The following ATAD3B variants were observed in gnomAD, a reference collection of about 807,000 sequenced individuals.
ATAD3B encodes ATPase family AAA domain containing 3B, also known as ATPase family AAA domain-containing protein 3B.
In ATAD3B, 59 loss-of-function variants were observed where a neutral mutation model predicts 70.2. The observed-to-expected ratio is 0.84, with a 90% CI of 0.68 to 1.04. The LOEUF is 1.04. Among genes scored for constraint, ATAD3B ranks in the 50% least tolerant of loss-of-function variants. The probability of loss-of-function intolerance (pLI) is 0.00; values close to 1 mark genes in which losing one functional copy is unlikely to be tolerated. For synonymous variants in ATAD3B, 423 were observed against 388.6 expected, an observed-to-expected ratio of 1.09 and a Z score of -1.04; for missense variants, 961 against 913.4, an observed-to-expected ratio of 1.05 and a Z score of -0.67.
intron 11 of ATAD3B, 108 bp from the exon 12 acceptor site, chr1:1,487,755 G>C: frequency 4.3e-6 from 6 of 1,381,140 alleles, no homozygotes; most frequent in Non-Finnish European, 5.1e-6. Flanking sequence ...GGCAGAGCCT[G>C]ACCCCGTGGG....
At chr1:1,485,685 C>T in intron 8 of ATAD3B, 97 bp from the exon 9 acceptor site, 2 of 1,551,202 alleles carry the variant, frequency 1.3e-6, no homozygotes, top group Non-Finnish European at 1.8e-6. Context: ...TTTGGGGCAG[C>T]TCCGTTTCTG....
At chr1:1,482,045 G>A in intron 5 of ATAD3B, 93 bp from the exon 6 acceptor site, 2 of 1,511,472 alleles carry the variant, frequency 1.3e-6, no homozygotes, top group East Asian at 2.5e-5. Context: ...TCCGTGGCGT[G>A]GGCCGGTCCG....
chr1:1,473,582 A>G (rs1301008601), intron 1 of ATAD3B, among the ~76,000 whole-genome samples: 2 of 148,054 alleles, frequency 1.4e-5, no homozygotes, highest in Admixed American at 6.8e-5. Context: ...TGCAAACCGC[A>G]ACGCCCTGGT....
the ATAD3B span, among the ~76,000 whole-genome samples, chr1:1,508,261 G>A: frequency 6.6e-6 from 1 of 151,402 alleles, no homozygotes; most frequent in Non-Finnish European, 1.5e-5. Context: ...TCCAGCTCCG[G>A]TCAGTGTCTC....
chr1:1,487,991 A>G, intron 12 of ATAD3B, 77 bp downstream of exon 12: 6 of 1,581,142 alleles, frequency 3.8e-6, no homozygotes, highest in Non-Finnish European at 5.2e-6. Context: ...GCCAGGCTGC[A>G]GCCCTTAAGC....
At chr1:1,486,517 C>G in intron 10 of ATAD3B, 27 bp from the exon 11 acceptor site, 2 of 1,612,062 alleles carry the variant, frequency 1.2e-6, no homozygotes, top group Non-Finnish European at 1.7e-6. Context: ...AACATCTGTT[C>G]TGTCTCCCCT....
chr1:1,490,585 G>A lies in ATAD3B; in HGVS notation c.1528G>A (p.Asp510Asn), dbSNP rs756114933. The stretch of plus-strand genomic sequence containing the variant: ...CAGGCGCCTGAAGCTGGCCCAGTTT[G>A]ACTACGGGAGGAAGTGCTCGGAGGT... Reference protein sequence around the residue: ...GKRRLKLAQFDYGRKCSEVAR... With the variant: ...GKRRLKLAQFNYGRKCSEVAR... Residue 510 changes from aspartate to asparagine, a missense_variant, in exon 15 of 16, where the codon GAC becomes AAC. Asp to Asn is a conservative substitution (Grantham distance 23). This residue lies in a region of ATAD3B where 417 missense variants were observed against 335.0 expected (regional missense o/e 1.24). Transcript: ENST00000673477. 1.9e-6 allele frequency: 3 copies of A among 1,610,940 alleles called. No individual in the cohort carries two copies. In the South Asian group the frequency reaches 3.3e-5, roughly 18 times the overall value.
At chr1:1,504,665 AAAG>A in the ATAD3B span, among the ~76,000 whole-genome samples, 4 of 140,202 alleles carry the variant, frequency 2.9e-5, no homozygotes, top group Admixed American at 6.8e-5. Flanking sequence ...ACAAAAAAAA[AAAG>A]AGAGAACAGG....
chr1:1,500,814 G>A (rs1198117269), downstream of ATAD3B, among the ~76,000 whole-genome samples: 7 of 151,380 alleles, frequency 4.6e-5, no homozygotes, highest in Non-Finnish European at 8.8e-5. Flanking sequence ...AAAATTAGCC[G>A]GGCGTGGTAG....
chr1:1,487,254 C>T lies in ATAD3B; in HGVS notation c.1214+586C>T, dbSNP rs180752583. ...GGCTGTAATCCCAGACTTTCGGAGG[C>T]GGAGGCAGGCAGATACGAGGCCAGG... On this transcript the variant is annotated intron_variant, in intron 11 of 15. Coordinates refer to ENST00000673477, the MANE Select transcript of ATAD3B (RefSeq NM_031921.6). 1.3e-3 allele frequency among the ~76,000 whole-genome samples: 199 copies of T among 151,910 alleles called. 3 individuals carry two copies. Among genetic ancestry groups the T allele is most frequent in the Non-Finnish European group, 2.0e-3 (135 of 67,898 alleles).
the ATAD3B span, among the ~76,000 whole-genome samples, chr1:1,508,050 G>T: frequency 1.3e-5 from 2 of 152,204 alleles, no homozygotes; most frequent in Non-Finnish European, 2.9e-5. Flanking sequence ...GAGCATCTGC[G>T]TAGCCCCTTT....
rs1176283430 is a variant in ATAD3B at position 1,485,146 on chromosome 1, T to G, written c.881T>G (p.Leu294Arg). The G allele has an allele frequency of 2.0e-5, 33 of 1,610,352 alleles. No individual in the cohort carries two copies. Among genetic ancestry groups the G allele is most frequent in the Non-Finnish European group, 2.7e-5 (32 of 1,179,514 alleles). The change falls in exon 8 of 16, where the codon CTG (leucine) becomes CGG (arginine). Residue 294 changes from leucine (L) to arginine (R), a missense_variant. Physicochemically the swap from Leu to Arg is moderately radical, Grantham distance 102. This residue lies in a region of ATAD3B where 349 missense variants were observed against 307.5 expected (regional missense o/e 1.14). Coordinates refer to ENST00000673477, the MANE Select transcript of ATAD3B (RefSeq NM_031921.6). ...LVRETSRITV[L>R]EALRHPIQVS... ...AGGGAGACGTCCCGCATCACGGTGC[T>G]GGAGGCGCTGCGGCACCCCATCCAG...
intron 15 of ATAD3B, among the ~76,000 whole-genome samples, chr1:1,494,565 C>T (rs1640685415): frequency 6.6e-6 from 1 of 151,870 alleles, no homozygotes; most frequent in East Asian, 1.9e-4. Context: ...TGTCTCCCCA[C>T]ACAGTGGCTC....
chr1:1,487,360 C>T (rs1640276350), intron 11 of ATAD3B, among the ~76,000 whole-genome samples: 3 of 151,768 alleles, frequency 2.0e-5, no homozygotes, highest in Non-Finnish European at 2.9e-5. Context: ...TGGTGGTGGG[C>T]ACCTGTAGTC....
intron 1 of ATAD3B, among the ~76,000 whole-genome samples, chr1:1,477,063 T>C (rs555323018): frequency 6.6e-6 from 1 of 151,690 alleles, no homozygotes; most frequent in Non-Finnish European, 1.5e-5. Context: ...CCAGCTGGAG[T>C]GCAGCAGTGT....
chr1:1,495,836 C>A lies in ATAD3B; in HGVS notation c.*19C>A. ...GTTGTAGGCACTGGCTAGGGAGGGG[C>A]AGGCCTCCTTCCTGCCCCTCGAGAC... On this transcript the variant is annotated 3_prime_UTR_variant, in exon 16 of 16. Coordinates refer to ENST00000673477, the MANE Select transcript of ATAD3B (RefSeq NM_031921.6). 1 of 1,531,152 alleles carries A rather than the reference C, an allele frequency of 6.5e-7. No homozygotes were observed. Among genetic ancestry groups the A allele is most frequent in the Non-Finnish European group, 8.8e-7 (1 of 1,141,562 alleles). 94.8% of individuals were successfully genotyped at this position (1,531,152 alleles called of 1,614,324 possible).
At chr1:1,502,635 C>T (rs1024117226), downstream of ATAD3B, among the ~76,000 whole-genome samples, 1 of 151,198 alleles carries the variant, frequency 6.6e-6, no homozygotes, top group African/African-American at 2.4e-5. Flanking sequence ...CCTCAGCCTC[C>T]CAAGTAGCTG....
At chr1:1,500,816 G>A (rs1434900241), downstream of ATAD3B, among the ~76,000 whole-genome samples, 4 of 151,520 alleles carry the variant, frequency 2.6e-5, no homozygotes, top group East Asian at 5.9e-4. Flanking sequence ...AATTAGCCGG[G>A]CGTGGTAGCA....
Position 1,478,393 on chromosome 1 carries a change from G to A in ATAD3B, c.283-251G>A. 2.7e-6 allele frequency: 4 copies of A among 1,479,694 alleles called. 1 individual carries two copies. Among genetic ancestry groups the A allele is most frequent in the Non-Finnish European group, 1.8e-6 (2 of 1,108,538 alleles). 91.7% of individuals were successfully genotyped at this position (1,479,694 alleles called of 1,614,324 possible). ...AGCTGCCCAGAAACAGCCTTGTGGG[G>A]TGGGGTTGGTGTCTGACCTCCCTCC... is the stretch of plus-strand genomic sequence containing the variant. On this transcript the variant is annotated intron_variant, in intron 2 of 15. Coordinates refer to ENST00000673477, the MANE Select transcript of ATAD3B (RefSeq NM_031921.6).
Sources: gnomAD v4.1 joint callset for allele counts (sites outside exome capture counted in the v4.1 genomes callset) on GRCh38, gnomAD v4.1.1 for gene constraint, gnomAD v4.1.1 regional missense constraint, MANE v1.5 for transcripts, NCBI Gene and HGNC (gene_info 2026-07-23, HGNC 2026-07-21) for gene names.